The following OPCML variants were observed in gnomAD, a reference collection of about 807,000 sequenced individuals.
The protein encoded by OPCML is opioid-binding protein/cell adhesion molecule.
Under a neutral mutation model 37.8 loss-of-function variants are expected in OPCML, and 13 were observed. The ratio of observed to expected loss-of-function variants is 0.34; its 90% CI spans 0.22 to 0.55. The LOEUF is 0.55. Among genes scored for constraint, OPCML ranks in the 20% least tolerant of loss-of-function variants. The probability of loss-of-function intolerance (pLI) is 0.91; values close to 1 mark genes in which losing one functional copy is unlikely to be tolerated. For missense variants in OPCML, 341 were observed against 435.6 expected (o/e 0.78, Z 1.93); for synonymous variants, 176 against 168.8 (o/e 1.04, Z -0.33).
chr11:133,025,726 ATTTTTTTT>A (rs869296316), intron 1 of OPCML, among the ~76,000 whole-genome samples: 1 of 91,340 alleles, frequency 1.1e-5, no homozygotes, highest in African/African-American at 4.7e-5. Context: ...TGCCGATTTG[ATTTTTTTT>A]TTTTTTTTTT....
chr11:133,445,710 T>G (rs1214006965), intron 1 of OPCML, among the ~76,000 whole-genome samples: 1 of 152,214 alleles, frequency 6.6e-6, no homozygotes, highest in Non-Finnish European at 1.5e-5. Context: ...ATTTCCCCCT[T>G]GGCTAAGAAA....
chr11:133,016,653 G>A (rs185802899), intron 1 of OPCML, among the ~76,000 whole-genome samples: 17 of 152,288 alleles, frequency 1.1e-4, no homozygotes, highest in Admixed American at 2.0e-4. Flanking sequence ...GTTAGGACGG[G>A]CATCTTTAGA....
In OPCML at chr11:133,433,251, C is replaced by CAAAAAAAAAAAAAAAAA. The variant is rs71477795; in HGVS notation, c.61+98996_61+99012dup. ...TGGGCGACAGAGCGAGACTCCGTCT[C>CAAAAAAAAAAAAAAAAA]AAAAAAAAAAAAAAAAAAATATTAC... On this transcript the variant is annotated intron_variant, in intron 1 of 7. Transcript: ENST00000524381. Among the ~76,000 whole-genome samples the CAAAAAAAAAAAAAAAAA allele has an allele frequency of 3.2e-3, 287 of 90,610 alleles. 24 individuals are homozygous for CAAAAAAAAAAAAAAAAA. The highest frequency in any genetic ancestry group is 0.013 in the African/African-American group (273 of 21,720). The allele number at this position is 90,610 out of a possible 152,430, so 59.4% of individuals were successfully genotyped here.
chr11:132,830,101 A>T (rs1253576967), intron 2 of OPCML, among the ~76,000 whole-genome samples: 2 of 152,102 alleles, frequency 1.3e-5, no homozygotes, highest in African/African-American at 4.8e-5. Context: ...CTTTTCCCCC[A>T]ATCTGTATTA....
chr11:132,553,549 G>A (rs1349352002), intron 3 of OPCML, among the ~76,000 whole-genome samples: 2 of 152,182 alleles, frequency 1.3e-5, no homozygotes. Flanking sequence ...GTGAGGCAGA[G>A]AAATAAAATT....
intron 1 of OPCML, among the ~76,000 whole-genome samples, chr11:133,496,461 A>T (rs898554563): frequency 6.6e-6 from 1 of 152,054 alleles, no homozygotes; most frequent in Admixed American, 6.6e-5. Flanking sequence ...TTTGATGGGG[A>T]TGTGTTGCAT....
intron 1 of OPCML, among the ~76,000 whole-genome samples, chr11:133,320,545 C>A (rs112210600): frequency 8.6e-5 from 13 of 151,498 alleles, no homozygotes; most frequent in East Asian, 1.9e-4. Flanking sequence ...GCATAAACAT[C>A]TAATAAGTGT....
intron 2 of OPCML, among the ~76,000 whole-genome samples, chr11:132,817,711 T>G (rs1472015958): frequency 6.6e-6 from 1 of 151,852 alleles, no homozygotes; most frequent in Non-Finnish European, 1.5e-5. Flanking sequence ...AGGGATTAGA[T>G]AAATCTATAT....
chr11:133,261,180 G>A lies in OPCML; in HGVS notation c.61+271084C>T, dbSNP rs147197848. The stretch of plus-strand genomic sequence containing the variant: ...AGAACCATTGCTAACTGCACAGAAA[G>A]CTTTTGGGTGTGGGACCCAGGCCTG... On this transcript the variant is annotated intron_variant, in intron 1 of 7. Coordinates refer to ENST00000524381, the MANE Select transcript of OPCML (RefSeq NM_001012393.5). 1.4e-3 allele frequency among the ~76,000 whole-genome samples: 216 copies of A among 152,294 alleles called. 5 individuals carry two copies. Among genetic ancestry groups the A allele is most frequent in the Middle Eastern group, 0.01 (3 of 294 alleles).
At chr11:132,468,009 A>G (rs1437529258) in intron 4 of OPCML, among the ~76,000 whole-genome samples, 2 of 152,096 alleles carry the variant, frequency 1.3e-5, no homozygotes, top group African/African-American at 4.8e-5. Flanking sequence ...ACAAACCTAC[A>G]GTGTGTCCCT....
At chr11:133,375,409 C>T (rs1944781033) in intron 1 of OPCML, among the ~76,000 whole-genome samples, 1 of 152,226 alleles carries the variant, frequency 6.6e-6, no homozygotes, top group African/African-American at 2.4e-5. Context: ...GGGAAGAATT[C>T]CAAGTATCCT....
chr11:133,008,126 A>G, intron 1 of OPCML: 2 of 985,396 alleles, frequency 2.0e-6, no homozygotes, highest in Non-Finnish European at 2.4e-6. Flanking sequence ...TCAGTTCTCC[A>G]AGCCTCTTGG....
chr11:132,974,716 A>C (rs1315105263), intron 1 of OPCML, among the ~76,000 whole-genome samples: 1 of 152,158 alleles, frequency 6.6e-6, no homozygotes. Context: ...TTATTGCAGC[A>C]CTATCCAATG....
At chr11:133,398,925 T>C (rs1056848201) in intron 1 of OPCML, among the ~76,000 whole-genome samples, 4 of 152,112 alleles carry the variant, frequency 2.6e-5, no homozygotes, top group African/African-American at 9.7e-5. Flanking sequence ...AGAACATAGA[T>C]TTACATCCAT....
chr11:132,654,872 C>T (rs958143583), intron 3 of OPCML, among the ~76,000 whole-genome samples: 2 of 151,788 alleles, frequency 1.3e-5, no homozygotes, highest in Non-Finnish European at 1.5e-5. Context: ...CTGGACTTCC[C>T]AGGCCACCTC....
intron 1 of OPCML, among the ~76,000 whole-genome samples, chr11:133,244,827 G>A (rs189279815): frequency 2.0e-5 from 3 of 152,144 alleles, no homozygotes; most frequent in African/African-American, 4.8e-5. Flanking sequence ...GCTGGGAGTC[G>A]ATTAAACTTC....
At chr11:132,765,205 G>T (rs569522716) in intron 2 of OPCML, among the ~76,000 whole-genome samples, 4 of 152,196 alleles carry the variant, frequency 2.6e-5, no homozygotes, top group Admixed American at 1.3e-4. Flanking sequence ...ACTGGACTTT[G>T]ACCTCATCCA....
At chr11:133,125,622 A>C (rs1362340408) in intron 1 of OPCML, among the ~76,000 whole-genome samples, 1 of 145,820 alleles carries the variant, frequency 6.9e-6, no homozygotes, top group Non-Finnish European at 1.5e-5. Flanking sequence ...TATATGTAGT[A>C]TCTAGTATAT....
intron 1 of OPCML, among the ~76,000 whole-genome samples, chr11:133,013,172 G>A (rs940413764): frequency 6.6e-6 from 1 of 152,146 alleles, no homozygotes; most frequent in African/African-American, 2.4e-5. Flanking sequence ...TGCACCATGT[G>A]GGCTCTGTTT....
Sources: gnomAD v4.1 joint callset for allele counts (sites outside exome capture counted in the v4.1 genomes callset) on GRCh38, gnomAD v4.1.1 for gene constraint, MANE v1.5 for transcripts, NCBI Gene and HGNC (gene_info 2026-07-23, HGNC 2026-07-21) for gene names.